Variants in HTR2A observed in about 807,000 individuals in gnomAD.
HTR2A encodes 5-HT2 receptor.
In HTR2A, 14 loss-of-function variants were observed where a neutral mutation model predicts 31.0. The observed-to-expected ratio is 0.45, with a 90% CI of 0.30 to 0.71. HTR2A has a LOEUF of 0.71. Among genes scored for constraint, HTR2A ranks in the 30% least tolerant of loss-of-function variants. The pLI is 0.09. For synonymous variants in HTR2A, 209 were observed against 225.2 expected (o/e 0.93, Z 0.64); for missense variants, 442 against 573.3 (o/e 0.77, Z 2.34).
At chr13:46,893,930 T>G (rs2138257572) in intron 2 of HTR2A, among the ~76,000 whole-genome samples, 1 of 152,308 alleles carries the variant, frequency 6.6e-6, no homozygotes, top group East Asian at 1.9e-4. Flanking sequence ...GGTACAAGCC[T>G]AATTTACAGC....
chr13:46,832,608 A>C lies in HTR2A; in HGVS notation c.*2229T>G, dbSNP rs1052455913. The stretch of plus-strand genomic sequence containing the variant: ...AAATACATTAGAGTGGAGACATTTT[A>C]ACATTTATATTTTCATCAGTTAGTA... On this transcript the variant is annotated 3_prime_UTR_variant, in exon 4 of 4. Coordinates refer to ENST00000542664, the MANE Select transcript of HTR2A (RefSeq NM_000621.5). The C allele has an allele frequency of 3.9e-5, 6 of 152,214 alleles. No individual in the cohort carries two copies. The highest frequency in any genetic ancestry group is 8.8e-5 in the Non-Finnish European group (6 of 68,014). The allele number at this position is 152,214 out of a possible 1,614,324, so 9.4% of individuals were successfully genotyped here. A position where few individuals can be genotyped will look rare whatever the true frequency, so the allele number is the denominator to read the frequency against.
intron 3 of HTR2A, among the ~76,000 whole-genome samples, chr13:46,877,219 T>C (rs1950922371): frequency 6.6e-6 from 1 of 152,166 alleles, no homozygotes; most frequent in African/African-American, 2.4e-5. Flanking sequence ...ATGATATGTG[T>C]ATTCCAATAC....
intron 3 of HTR2A, among the ~76,000 whole-genome samples, chr13:46,878,658 GGAA>G (rs1950934895): frequency 1.3e-5 from 2 of 152,168 alleles, no homozygotes; most frequent in African/African-American, 4.8e-5. Context: ...AAGCCACAGA[GGAA>G]GAAGATCTAG....
intron 3 of HTR2A, among the ~76,000 whole-genome samples, chr13:46,866,436 G>A (rs1950818883): frequency 6.6e-6 from 1 of 152,228 alleles, no homozygotes; most frequent in South Asian, 2.1e-4. Context: ...AGGGGAGAGA[G>A]CAGCTGAGGA....
intron 3 of HTR2A, among the ~76,000 whole-genome samples, chr13:46,875,639 C>G (rs1227191418): frequency 1.3e-5 from 2 of 152,108 alleles, no homozygotes; most frequent in Admixed American, 6.5e-5. Flanking sequence ...GAGGAAAGGT[C>G]AGAAAAATGC....
chr13:46,894,077 G>A (rs574884553), intron 2 of HTR2A, among the ~76,000 whole-genome samples: 1 of 152,372 alleles, frequency 6.6e-6, no homozygotes, highest in East Asian at 1.9e-4. Flanking sequence ...CCAGGAGGCG[G>A]CCCAGGCCTC....
At chr13:46,844,630 T>C (rs553602400) in intron 3 of HTR2A, among the ~76,000 whole-genome samples, 2 of 152,316 alleles carry the variant, frequency 1.3e-5, no homozygotes, top group African/African-American at 4.8e-5. Flanking sequence ...ATCCTGGATC[T>C]AGGCCCGTTA....
At chr13:46,868,105 T>C (rs144899443) in intron 3 of HTR2A, among the ~76,000 whole-genome samples, 14 of 152,362 alleles carry the variant, frequency 9.2e-5, no homozygotes, top group African/African-American at 3.4e-4. Context: ...ATGGAAGTTC[T>C]CTATTTTTAA....
intron 3 of HTR2A, among the ~76,000 whole-genome samples, chr13:46,837,807 A>ATCTT (rs778060851): frequency 6.6e-6 from 1 of 152,212 alleles, no homozygotes; most frequent in Non-Finnish European, 1.5e-5. Flanking sequence ...TTCAACACAA[A>ATCTT]TCTTTCTTAG....
intron 3 of HTR2A, chr13:46,853,795 T>C (rs1950710028): frequency 6.6e-6 from 1 of 152,174 alleles, no homozygotes; most frequent in East Asian, 1.9e-4. Context: ...ACATCTTAGT[T>C]TTACAGTTGT....
chr13:46,870,735 A>G (rs775720666), intron 3 of HTR2A, among the ~76,000 whole-genome samples: 2 of 152,184 alleles, frequency 1.3e-5, no homozygotes, highest in East Asian at 1.9e-4. Flanking sequence ...CAGATTTGTT[A>G]TGTCTAAATT....
chr13:46,853,284 C>A (rs1326304811), intron 3 of HTR2A, among the ~76,000 whole-genome samples: 2 of 152,088 alleles, frequency 1.3e-5, no homozygotes, highest in Non-Finnish European at 2.9e-5. Context: ...AATGTGGGCT[C>A]CCAGATCCTC....
rs1876388866 is a variant in HTR2A, at chr13:46,834,959, A to G, written c.1294T>C (p.Ser432Pro). The part of the protein sequence containing the change: ...SQLQMGQKKN[S>P]KQDAKTTDND... ...TCTGTTGTCTTGGCATCTTGCTTTG[A>G]ATTCTTTTTTTGTCCCATTTGAAGT... Residue 432 changes from serine to proline, a missense_variant, in exon 4 of 4, where the codon TCA becomes CCA. Around this residue, in one of 5 missense-constraint regions of HTR2A, gnomAD observed 88 missense variants for 83.1 expected, o/e 1.06. Transcript: ENST00000542664. 2.5e-6 allele frequency: 4 copies of G among 1,614,074 alleles called. No individual in the cohort carries two copies. Among genetic ancestry groups the G allele is most frequent in the Non-Finnish European group, 3.4e-6 (4 of 1,179,956 alleles).
rs1951048833 is a variant in HTR2A at position 46,891,112 on chromosome 13, A to G, written c.613+1278T>C. 2.6e-5 allele frequency among the ~76,000 whole-genome samples: 4 copies of G among 152,380 alleles called. No individual in the cohort carries two copies. The South Asian group carries it at 8.3e-4, about 32-fold the overall frequency. Reference sequence around the variant, plus strand: ...CCTAGTCCTGCTGCAAGTTGGAGACATGATCCAGTAAGCCACAATACCTCT... The same window carrying G: ...CCTAGTCCTGCTGCAAGTTGGAGACGTGATCCAGTAAGCCACAATACCTCT... On this transcript the variant is annotated intron_variant, in intron 3 of 3. Coordinates refer to ENST00000542664, the MANE Select transcript of HTR2A (RefSeq NM_000621.5).
intron 3 of HTR2A, among the ~76,000 whole-genome samples, chr13:46,866,051 G>T (rs1302498260): frequency 3.3e-5 from 5 of 152,118 alleles, no homozygotes; most frequent in Non-Finnish European, 7.4e-5. Flanking sequence ...TCTTTATCTT[G>T]CTCACATCCT....
chr13:46,840,297 G>A (rs1417425101), intron 3 of HTR2A, among the ~76,000 whole-genome samples: 1 of 152,146 alleles, frequency 6.6e-6, no homozygotes, highest in Admixed American at 6.6e-5. Context: ...CTGATACAGA[G>A]TGGCTAAATT....
Position 46,834,954 on chromosome 13 carries a change from C to A in HTR2A, c.1299G>T (p.Lys433Asn), listed in dbSNP as rs1464800403. Residue 433 changes from lysine (K) to asparagine (N), a missense_variant, in exon 4 of 4, where the codon AAG becomes AAT. Physicochemically the swap from Lys to Asn is moderately conservative, Grantham distance 94 (BLOSUM62 0). Coordinates refer to ENST00000542664, the MANE Select transcript of HTR2A (RefSeq NM_000621.5). The part of the protein sequence containing the change: ...QLQMGQKKNS[K>N]QDAKTTDNDC... Reference sequence around the variant, plus strand: ...CATTATCTGTTGTCTTGGCATCTTGCTTTGAATTCTTTTTTTGTCCCATTT... The same window carrying A: ...CATTATCTGTTGTCTTGGCATCTTGATTTGAATTCTTTTTTTGTCCCATTT... 6 of 1,614,080 alleles carry A rather than the reference C, an allele frequency of 3.7e-6. No individual in the cohort carries two copies. Among genetic ancestry groups the A allele is most frequent in the South Asian group, 1.1e-5 (1 of 91,080 alleles).
At chr13:46,839,120 G>T (rs147321767) in intron 3 of HTR2A, among the ~76,000 whole-genome samples, 51 of 152,166 alleles carry the variant, frequency 3.4e-4, no homozygotes, top group Middle Eastern at 3.4e-3. Context: ...AGAGGATGTG[G>T]TAAGAGGTTA....
At chr13:46,847,701 C>T (rs1923884) in intron 3 of HTR2A, among the ~76,000 whole-genome samples, 19,339 of 152,168 alleles carry the variant, frequency 0.13, 1,812 homozygotes, top group East Asian at 0.47. Context: ...CTGTTCTCGT[C>T]CTGATCAGCT....
Sources: allele counts gnomAD v4.1 joint callset (sites outside exome capture counted in the v4.1 genomes callset), GRCh38; gene constraint gnomAD v4.1.1; regional missense constraint gnomAD v4.1.1; transcripts MANE v1.5; gene names NCBI Gene and HGNC (gene_info 2026-07-23, HGNC 2026-07-21).